Variants in DLAT observed in about 807,000 individuals in gnomAD.
The protein encoded by DLAT is dihydrolipoamide S-acetyltransferase.
In DLAT, 43 loss-of-function variants were observed where a neutral mutation model predicts 68.0. The observed-to-expected ratio is 0.63, with a 90% CI of 0.50 to 0.81. DLAT has a LOEUF of 0.81. DLAT is among the 40% of genes least tolerant of loss of function. DLAT has a pLI of 0.00. For synonymous variants in DLAT, 265 were observed against 288.6 expected, an observed-to-expected ratio of 0.92 and a Z score of 0.83; for missense variants, 745 against 815.4, an observed-to-expected ratio of 0.91 and a Z score of 1.05.
chr11:112,031,305 T>C (rs1191451043), intron 4 of DLAT, among the ~76,000 whole-genome samples: 1 of 152,230 alleles, frequency 6.6e-6, no homozygotes. Flanking sequence ...ACACAAGCCA[T>C]ATAAATAGTA....
chr11:112,028,999 T>C lies in DLAT; in HGVS notation c.660+54T>C. 3.7e-6 allele frequency: 6 copies of C among 1,601,108 alleles called. No homozygotes were observed. In the Admixed American group the frequency reaches 6.7e-5, roughly 18 times the overall value. On this transcript the variant is annotated intron_variant, in intron 4 of 13. Coordinates refer to ENST00000280346, the MANE Select transcript of DLAT (RefSeq NM_001931.5). The stretch of plus-strand genomic sequence containing the variant: ...TAGGTGATTACTTACTTACTCACTT[T>C]TTTTCATAGATGGCTACTACATCTT...
At chr11:112,036,201 G>GTTTTTTTTTTTT (rs1167345612) in intron 5 of DLAT, among the ~76,000 whole-genome samples, 8 of 36,482 alleles carry the variant, frequency 2.2e-4, no homozygotes, top group Admixed American at 5.5e-4. Context: ...GTGTGTGTGT[G>GTTTTTTTTTTTT]TTTTTTTTTT....
intron 7 of DLAT, among the ~76,000 whole-genome samples, chr11:112,042,228 A>T (rs1489792044): frequency 6.6e-6 from 1 of 152,018 alleles, no homozygotes; most frequent in Non-Finnish European, 1.5e-5. Flanking sequence ...CGCCCAAGAG[A>T]GATAGGGAAA....
Position 112,028,549 on chromosome 11 carries a change from G to T in DLAT, c.416G>T (p.Ser139Ile). The T allele has an allele frequency of 6.2e-7, 1 of 1,614,128 alleles. No homozygotes were observed. The highest frequency in any genetic ancestry group is 2.2e-5 in the East Asian group (1 of 44,890). Residue 139 changes from serine (S) to isoleucine (I), a missense_variant, in exon 3 of 14, where the codon AGC (serine) becomes ATC (isoleucine). Physicochemically the swap from Ser to Ile is moderately radical, Grantham distance 142. Coordinates refer to ENST00000280346, the MANE Select transcript of DLAT (RefSeq NM_001931.5). ...ETDKATVGFE[S>I]LEECYMAKIL... ...GATAAAGCCACTGTTGGATTTGAGA[G>T]CCTGGAGGAGTGTTATATGGCAAAG...
intron 12 of DLAT, 125 bp from the exon 13 acceptor site, chr11:112,060,913 A>G: frequency 4.5e-6 from 3 of 672,210 alleles, no homozygotes; most frequent in Non-Finnish European, 7.5e-6. Context: ...AGTAATGTGT[A>G]TTCCATTCAG....
intron 13 of DLAT, among the ~76,000 whole-genome samples, chr11:112,061,921 T>C (rs897607917): frequency 3.9e-5 from 6 of 152,174 alleles, no homozygotes; most frequent in Non-Finnish European, 8.8e-5. Flanking sequence ...GCATGCTATA[T>C]TGTATCTTCA....
At chr11:112,042,951 C>T (rs1410293270) in intron 7 of DLAT, among the ~76,000 whole-genome samples, 1 of 152,194 alleles carries the variant, frequency 6.6e-6, no homozygotes, top group East Asian at 1.9e-4. Context: ...CTTGATTTGT[C>T]AAAACAATTA....
intron 9 of DLAT, among the ~76,000 whole-genome samples, chr11:112,045,580 C>T (rs1212731675): frequency 1.3e-5 from 2 of 151,730 alleles, no homozygotes; most frequent in Admixed American, 6.6e-5. Flanking sequence ...CCCAAGTACT[C>T]GGGACGCTGA....
At chr11:112,056,460 C>T (rs1426113357) in intron 11 of DLAT, among the ~76,000 whole-genome samples, 2 of 152,192 alleles carry the variant, frequency 1.3e-5, no homozygotes, top group Non-Finnish European at 2.9e-5. Flanking sequence ...TTTGCATCTA[C>T]TTTCTTTCAC....
chr11:112,030,786 C>T lies in DLAT; in HGVS notation c.660+1841C>T, dbSNP rs144609154. Among the ~76,000 whole-genome samples the T allele has an allele frequency of 9.0e-3, 1,370 of 152,242 alleles. 11 individuals are homozygous for T. Among genetic ancestry groups the T allele is most frequent in the African/African-American group, 0.03 (1,256 of 41,532 alleles). On this transcript the variant is annotated intron_variant, in intron 4 of 13. Transcript: ENST00000280346. ...CTAAATAATTCTGACTGGCATTTCT[C>T]CTTAATCTAGTTTATTTGTAGAAAT...
rs146700813 is a variant in DLAT at position 112,039,284 on chromosome 11, C to T, written c.1016C>T (p.Thr339Ile). Residue 339 changes from threonine to isoleucine, a missense_variant, in exon 7 of 14, where the codon ACA (threonine) becomes ATA (isoleucine). Transcript: ENST00000280346. ...VPPTPQPLAP[T>I]PSAPCPATPA... ...CCAACTCCCCAGCCTTTAGCTCCTACACCTTCAGCACCCTGCCCAGCTACT... is the reference window on the plus strand; with the variant it reads ...CCAACTCCCCAGCCTTTAGCTCCTATACCTTCAGCACCCTGCCCAGCTACT... The T allele has an allele frequency of 2.9e-5, 47 of 1,614,118 alleles. No individual in the cohort carries two copies. The African/African-American group carries it at 5.3e-4, about 18-fold the overall frequency.
chr11:112,037,165 A>G lies in DLAT; in HGVS notation c.788-108A>G, dbSNP rs181462739. On this transcript the variant is annotated intron_variant, in intron 5 of 13. Transcript: ENST00000280346. ...GGTTAAATAGGTTGCAAAAAAGGCTATATAGCTAGCTTGAATGAGAAAAAT... is the reference window on the plus strand; with the variant it reads ...GGTTAAATAGGTTGCAAAAAAGGCTGTATAGCTAGCTTGAATGAGAAAAAT... 326 of 1,032,320 alleles carry G rather than the reference A, an allele frequency of 3.2e-4. 1 individual carries two copies. The African/African-American group carries it at 4.7e-3, about 15-fold the overall frequency. 63.9% of individuals were successfully genotyped at this position (1,032,320 alleles called of 1,614,324 possible).
At chr11:112,050,841 T>C (rs376165491) in intron 10 of DLAT, among the ~76,000 whole-genome samples, 9 of 152,326 alleles carry the variant, frequency 5.9e-5, no homozygotes, top group African/African-American at 9.6e-5. Flanking sequence ...CTGTAACTTA[T>C]GGGATTATGC....
At chr11:112,039,466 C>G in intron 7 of DLAT, 69 bp downstream of exon 7, 6 of 1,483,034 alleles carry the variant, frequency 4.0e-6, no homozygotes, top group Non-Finnish European at 5.6e-6. Flanking sequence ...TTAAGACTTG[C>G]AAGTACAACT....
At chr11:112,059,816 G>T in intron 11 of DLAT, 87 bp from the exon 12 acceptor site, 1 of 1,226,750 alleles carries the variant, frequency 8.2e-7, no homozygotes, top group Non-Finnish European at 1.1e-6. Flanking sequence ...AAAAATTTTT[G>T]AAGTAAATAT....
Position 112,064,115 on chromosome 11 carries a change from C to G in DLAT, c.*1580C>G, listed in dbSNP as rs1864804233. Reference sequence around the variant, plus strand: ...TAGGTTGAAGATTATCCAAAAGAAACAAGCTTATCACAAGGGACCATCATC... The same window carrying G: ...TAGGTTGAAGATTATCCAAAAGAAAGAAGCTTATCACAAGGGACCATCATC... On this transcript the variant is annotated 3_prime_UTR_variant, in exon 14 of 14. Coordinates refer to ENST00000280346, the MANE Select transcript of DLAT (RefSeq NM_001931.5). 2.2e-6 allele frequency: 3 copies of G among 1,384,260 alleles called. No homozygotes were observed. Among genetic ancestry groups the G allele is most frequent in the Non-Finnish European group, 2.9e-6 (3 of 1,028,126 alleles). 85.7% of individuals were successfully genotyped at this position (1,384,260 alleles called of 1,614,324 possible).
chr11:112,029,073 G>T, intron 4 of DLAT, 128 bp downstream of exon 4: 3 of 1,030,842 alleles, frequency 2.9e-6, no homozygotes, highest in Non-Finnish European at 4.4e-6. Context: ...GGAGTATATA[G>T]GTTTAAACAT....
At chr11:112,048,785 T>A (rs587630035) in intron 10 of DLAT, among the ~76,000 whole-genome samples, 1 of 152,130 alleles carries the variant, frequency 6.6e-6, no homozygotes, top group African/African-American at 2.4e-5. Flanking sequence ...CCACCCACCT[T>A]GGCCTCCCAA....
intron 4 of DLAT, chr11:112,030,323 A>G: frequency 1.9e-6 from 1 of 521,754 alleles, no homozygotes. Context: ...TGCTGACATC[A>G]AAGAACACCA....
Sources: gnomAD v4.1 joint callset for allele counts (sites outside exome capture counted in the v4.1 genomes callset) on GRCh38, gnomAD v4.1.1 for gene constraint, MANE v1.5 for transcripts, NCBI Gene and HGNC (gene_info 2026-07-23, HGNC 2026-07-21) for gene names.